Variants in ULK4 observed in about 807,000 individuals in gnomAD.
ULK4 encodes the protein unc-51 like kinase 4.
In ULK4, 133 loss-of-function variants were observed where a neutral mutation model predicts 160.6. The ratio of observed to expected loss-of-function variants is 0.83; its 90% CI spans 0.72 to 0.96. The LOEUF (loss-of-function observed/expected upper bound fraction) is 0.96. ULK4 is among the 40% of genes least tolerant of loss of function. The pLI, the probability that ULK4 is intolerant of heterozygous loss-of-function variation, is 0.00. For synonymous variants in ULK4, 534 were observed against 539.8 expected (o/e 0.99, Z 0.15); for missense variants, 1,580 against 1,499.5 (o/e 1.05, Z -0.89).
At chr3:41,958,544 A>G (rs1700559243) in intron 1 of ULK4, among the ~76,000 whole-genome samples, 1 of 145,212 alleles carries the variant, frequency 6.9e-6, no homozygotes, top group Admixed American at 6.8e-5. Context: ...TCTACTAAAA[A>G]TACAAAAAAA....
chr3:41,959,765 G>A (rs1479118673), intron 1 of ULK4, among the ~76,000 whole-genome samples: 15 of 151,142 alleles, frequency 9.9e-5, no homozygotes, highest in African/African-American at 2.2e-4. Flanking sequence ...GTGAGATCCC[G>A]ACTCTACACA....
intron 22 of ULK4, among the ~76,000 whole-genome samples, chr3:41,724,667 G>A (rs1242051353): frequency 6.6e-6 from 1 of 152,186 alleles, no homozygotes; most frequent in South Asian, 2.1e-4. Flanking sequence ...AGCTTGCAGT[G>A]AGCCAAGATT....
At chr3:41,954,581 GCT>G in intron 2 of ULK4, 39 bp downstream of exon 2, 1 of 1,585,682 alleles carries the variant, frequency 6.3e-7, no homozygotes, top group East Asian at 2.2e-5. Context: ...ACCTATTGTA[GCT>G]CTCTCTTTCC....
chr3:41,815,521 T>C (rs529696035), intron 19 of ULK4, among the ~76,000 whole-genome samples: 3 of 152,358 alleles, frequency 2.0e-5, no homozygotes, highest in African/African-American at 7.2e-5. Flanking sequence ...AGAGCAACTG[T>C]GCTTCTTGAA....
chr3:41,932,972 A>C (rs1251636573), intron 4 of ULK4, among the ~76,000 whole-genome samples: 1 of 152,224 alleles, frequency 6.6e-6, no homozygotes, highest in Non-Finnish European at 1.5e-5. Context: ...TGAACCTGGG[A>C]GGCAGAGGTT....
rs140727333 is a variant in ULK4 at position 41,658,825 on chromosome 3, C to T, written c.3071+4782G>A. On this transcript the variant is annotated intron_variant, in intron 30 of 36. Coordinates refer to ENST00000301831, the MANE Select transcript of ULK4 (RefSeq NM_017886.4). ...CTTTTCTCTGTATACCCTTCAAATA[C>T]TGAAGTTCTGAACATGTTATGTATT... 9.2e-4 allele frequency among the ~76,000 whole-genome samples: 140 copies of T among 151,692 alleles called. 1 individual carries two copies. Among genetic ancestry groups the T allele is most frequent in the African/African-American group, 3.2e-3 (133 of 41,256 alleles).
chr3:41,583,244 T>G lies in ULK4; in HGVS notation c.3121-17114A>C, dbSNP rs144912205. On this transcript the variant is annotated intron_variant, in intron 31 of 36. Coordinates refer to ENST00000301831, the MANE Select transcript of ULK4 (RefSeq NM_017886.4). ...ATGGAAATAGTAAGAAAATTAAATC[T>G]AATCATGTTCCATTAAACATGCTCT... Among the ~76,000 whole-genome samples the G allele has an allele frequency of 2.1e-3, 320 of 152,324 alleles. 1 individual carries two copies. Among genetic ancestry groups the G allele is most frequent in the African/African-American group, 7.3e-3 (302 of 41,568 alleles).
chr3:41,610,593 G>A (rs1049508972), intron 31 of ULK4, among the ~76,000 whole-genome samples: 1 of 152,090 alleles, frequency 6.6e-6, no homozygotes, highest in Admixed American at 6.6e-5. Flanking sequence ...AATACTTTAG[G>A]CCTCAAGGGT....
chr3:41,644,759 G>A (rs1321328705), intron 30 of ULK4, among the ~76,000 whole-genome samples: 1 of 150,916 alleles, frequency 6.6e-6, no homozygotes, highest in East Asian at 1.9e-4. Flanking sequence ...AATAGTTTCA[G>A]AAGGAATGGT....
intron 35 of ULK4, among the ~76,000 whole-genome samples, chr3:41,333,440 G>GA (rs5848595): frequency 0.16 from 24,348 of 152,044 alleles, 2,403 homozygotes; most frequent in African/African-American, 0.27. Context: ...AGATTTGGGG[G>GA]ATCTCTACTG....
In ULK4 at chr3:41,433,316, A is replaced by G. The variant is rs532675518; in HGVS notation, c.3492+22181T>C. On this transcript the variant is annotated intron_variant, in intron 34 of 36. Transcript: ENST00000301831. Reference sequence around the variant, plus strand: ...TCAGGTTTCATGTGTCAGAATGGCAAAATGTTACAATTTCAGAAAACTGAG... The same window carrying G: ...TCAGGTTTCATGTGTCAGAATGGCAGAATGTTACAATTTCAGAAAACTGAG... Among the ~76,000 whole-genome samples, 17 of 152,314 alleles carry G rather than the reference A, an allele frequency of 1.1e-4. No homozygotes were observed. In the South Asian group the frequency reaches 3.3e-3, roughly 30 times the overall value.
chr3:41,940,565 G>T lies in ULK4; in HGVS notation c.139-2368C>A, dbSNP rs142867279. On this transcript the variant is annotated intron_variant, in intron 2 of 36. Transcript: ENST00000301831. ...GGATGCTACTCAGGACACTGAGGCA[G>T]GAGGATAGCTGGAGCCCAGGAGTTC... is the stretch of plus-strand genomic sequence containing the variant. Among the ~76,000 whole-genome samples, 609 of 152,224 alleles carry T rather than the reference G, an allele frequency of 4.0e-3. 3 individuals carry two copies. Among genetic ancestry groups the T allele is most frequent in the African/African-American group, 0.014 (577 of 41,540 alleles).
intron 17 of ULK4, among the ~76,000 whole-genome samples, chr3:41,868,400 C>G (rs1696972149): frequency 6.6e-6 from 1 of 152,150 alleles, no homozygotes; most frequent in African/African-American, 2.4e-5. Context: ...CTTAAGCTTT[C>G]TTGTTACTAG....
At chr3:41,393,358 T>C (rs1575506245) in intron 35 of ULK4, among the ~76,000 whole-genome samples, 2 of 152,282 alleles carry the variant, frequency 1.3e-5, no homozygotes, top group Admixed American at 1.3e-4. Context: ...TAAATGCTCC[T>C]AAAGCTCATG....
chr3:41,512,213 C>T (rs1001530296), intron 32 of ULK4, among the ~76,000 whole-genome samples: 1 of 152,162 alleles, frequency 6.6e-6, no homozygotes, highest in African/African-American at 2.4e-5. Flanking sequence ...CCCCTGAGAA[C>T]TGGAACAAGA....
At chr3:41,506,767 A>AAAAAAAAAAAAATATATATATATAAATAT in intron 32 of ULK4, among the ~76,000 whole-genome samples, 1 of 56,794 alleles carries the variant, frequency 1.8e-5, no homozygotes, top group Non-Finnish European at 3.1e-5. Flanking sequence ...TGTGATTTAA[A>AAAAAAAAAAAAATATATATATATAAATAT]ATATATATAT....
rs558233383 is a variant in ULK4, at chr3:41,352,713, C to T, written c.3678+45366G>A. On this transcript the variant is annotated intron_variant, in intron 35 of 36. Transcript: ENST00000301831. ...TGCCCAGCAGAGCAGCTGAGATCCT[C>T]TTTGCTTAACTTCTTCCCTTGGACT... Among the ~76,000 whole-genome samples the T allele has an allele frequency of 2.0e-5, 3 of 152,128 alleles. No individual in the cohort carries two copies. In the South Asian group the frequency reaches 6.2e-4, roughly 32 times the overall value.
At chr3:41,859,119 A>C (rs2042439009) in intron 17 of ULK4, among the ~76,000 whole-genome samples, 1 of 152,230 alleles carries the variant, frequency 6.6e-6, no homozygotes, top group Non-Finnish European at 1.5e-5. Context: ...TTCTGGAGTC[A>C]GCACAGTTCA....
rs377466730 is a variant in ULK4, at chr3:41,461,965, C to T, written c.3393+1122G>A. On this transcript the variant is annotated intron_variant, in intron 33 of 36. Transcript: ENST00000301831. ...TACATAATTAGCAATTATTTAAGTA[C>T]GTAACAATTATTTACTGTTAATTTG... 9.0e-4 allele frequency among the ~76,000 whole-genome samples: 137 copies of T among 152,216 alleles called. 2 individuals carry two copies. The highest frequency in any genetic ancestry group is 3.1e-3 in the African/African-American group (127 of 41,550).
Sources: gnomAD v4.1 joint callset for allele counts (sites outside exome capture counted in the v4.1 genomes callset) on GRCh38, gnomAD v4.1.1 for gene constraint, MANE v1.5 for transcripts, NCBI Gene and HGNC (gene_info 2026-07-23, HGNC 2026-07-21) for gene names.